DNAJC24: variants seen among roughly 807,000 people sequenced by gnomAD.
DNAJC24 encodes dnaJ homolog subfamily C member 24.
A neutral mutation model predicts 18.0 loss-of-function variants in DNAJC24; 17 were observed. The observed-to-expected ratio is 0.94, with a 90% CI of 0.65 to 1.42. The LOEUF (loss-of-function observed/expected upper bound fraction) is 1.42, where lower values mean the gene tolerates loss of function less well. Ranked by LOEUF, DNAJC24 falls within the 40% of genes most tolerant of loss-of-function variation. The pLI is 0.00. For synonymous variants in DNAJC24, 55 were observed against 57.7 expected (o/e 0.95, Z 0.21); for missense variants, 158 against 175.6 (o/e 0.90, Z 0.57).
intron 2 of DNAJC24, among the ~76,000 whole-genome samples, chr11:31,413,665 C>T (rs1471326010): frequency 6.6e-6 from 1 of 152,140 alleles, no homozygotes; most frequent in Non-Finnish European, 1.5e-5. Flanking sequence ...GATTCATTTT[C>T]ATGGTGAGCT....
intron 2 of DNAJC24, among the ~76,000 whole-genome samples, chr11:31,409,917 C>T (rs1377669715): frequency 7.0e-6 from 1 of 143,686 alleles, no homozygotes; most frequent in Non-Finnish European, 1.5e-5. Flanking sequence ...CAGAGGCTTG[C>T]TGTGTCATTT....
At chr11:31,395,595 T>G (rs1352575861) in intron 2 of DNAJC24, among the ~76,000 whole-genome samples, 5 of 152,168 alleles carry the variant, frequency 3.3e-5, no homozygotes, top group Non-Finnish European at 7.4e-5. Flanking sequence ...AAATTTAAAT[T>G]TTGTTCAAAA....
intron 2 of DNAJC24, among the ~76,000 whole-genome samples, chr11:31,397,473 T>A (rs1396300995): frequency 7.8e-6 from 1 of 127,880 alleles, no homozygotes; most frequent in Admixed American, 8.2e-5. Flanking sequence ...ACTTTACCTT[T>A]GTGATTTTTT....
chr11:31,422,580 T>G (rs889232361), intron 3 of DNAJC24, among the ~76,000 whole-genome samples: 2 of 152,178 alleles, frequency 1.3e-5, no homozygotes, highest in Admixed American at 6.6e-5. Context: ...GGATTTACTT[T>G]TCTAGATACC....
At chr11:31,414,725 CT>C (rs1322376284) in intron 2 of DNAJC24, 85 bp from the exon 3 acceptor site, 1 of 1,407,242 alleles carries the variant, frequency 7.1e-7, no homozygotes, top group African/African-American at 1.5e-5. Flanking sequence ...ACCTTCTTAA[CT>C]AAAGCTCAGA....
intron 2 of DNAJC24, among the ~76,000 whole-genome samples, chr11:31,412,068 A>T (rs1952715405): frequency 1.3e-5 from 2 of 152,212 alleles, no homozygotes; most frequent in African/African-American, 4.8e-5. Flanking sequence ...ATTTCAATTA[A>T]TAATCAGGAA....
At chr11:31,421,216 A>G (rs932555836) in intron 3 of DNAJC24, among the ~76,000 whole-genome samples, 2 of 152,198 alleles carry the variant, frequency 1.3e-5, no homozygotes, top group Non-Finnish European at 2.9e-5. Flanking sequence ...TGTTCAAGTT[A>G]CTTCCCACAT....
intron 2 of DNAJC24, among the ~76,000 whole-genome samples, chr11:31,382,542 G>T (rs1266059030): frequency 1.3e-5 from 2 of 152,022 alleles, no homozygotes. Context: ...ATTTAAAAAT[G>T]GGAAAATTAT....
chr11:31,390,395 CAAAAAAA>C (rs370680501), intron 2 of DNAJC24, among the ~76,000 whole-genome samples: 40 of 48,570 alleles, frequency 8.2e-4, no homozygotes, highest in African/African-American at 1.5e-3. Flanking sequence ...GACTCTATCT[CAAAAAAA>C]AAAAAAAAAA....
chr11:31,427,575 C>G (rs186475767), intron 4 of DNAJC24: 1 of 152,076 alleles, frequency 6.6e-6, no homozygotes, highest in Admixed American at 6.5e-5. Context: ...TATATACACA[C>G]ATATACTTTT....
chr11:31,408,142 A>G (rs980903318), intron 2 of DNAJC24: 3 of 456,066 alleles, frequency 6.6e-6, no homozygotes, highest in Non-Finnish European at 1.3e-5. Flanking sequence ...TTTTTGGTGT[A>G]CATACTTGGA....
chr11:31,410,119 G>A (rs1428896257), intron 2 of DNAJC24, among the ~76,000 whole-genome samples: 2 of 152,074 alleles, frequency 1.3e-5, no homozygotes, highest in Admixed American at 1.3e-4. Context: ...CTGACCTCAG[G>A]TGATCTGCCC....
At chr11:31,394,891 A>T (rs938809492) in intron 2 of DNAJC24, among the ~76,000 whole-genome samples, 1 of 152,130 alleles carries the variant, frequency 6.6e-6, no homozygotes, top group East Asian at 1.9e-4. Context: ...ACAAACAAAA[A>T]GCTGTTTTGT....
At chr11:31,392,477 T>A (rs1952506754) in intron 2 of DNAJC24, among the ~76,000 whole-genome samples, 1 of 152,180 alleles carries the variant, frequency 6.6e-6, no homozygotes. Context: ...CAAGTGCTTG[T>A]GTATTTAAAC....
intron 4 of DNAJC24, chr11:31,429,593 G>A (rs946486843): frequency 8.7e-6 from 3 of 343,966 alleles, no homozygotes; most frequent in South Asian, 2.2e-5. Context: ...AAATTTCCAC[G>A]ATCAGGAGCC....
At chr11:31,407,823 A>G (rs559424455) in intron 2 of DNAJC24, among the ~76,000 whole-genome samples, 15 of 151,260 alleles carry the variant, frequency 9.9e-5, no homozygotes, top group Admixed American at 4.0e-4. Context: ...TCTTAGTTGA[A>G]AAACTTGTTT....
intron 2 of DNAJC24, among the ~76,000 whole-genome samples, chr11:31,388,436 C>A (rs547246641): frequency 1.3e-5 from 2 of 152,240 alleles, no homozygotes; most frequent in East Asian, 3.9e-4. Flanking sequence ...CAGTGGAAAC[C>A]TTACAGGCCA....
intron 2 of DNAJC24, among the ~76,000 whole-genome samples, chr11:31,400,762 A>G (rs1479955011): frequency 6.6e-6 from 1 of 152,252 alleles, no homozygotes; most frequent in Non-Finnish European, 1.5e-5. Flanking sequence ...TAAAACCCAA[A>G]ACCATTAAAA....
intron 4 of DNAJC24, chr11:31,427,857 G>A: frequency 6.6e-6 from 1 of 150,984 alleles, no homozygotes; most frequent in Non-Finnish European, 1.5e-5. Context: ...CTGGAAGCCT[G>A]GAATCCCAGC....
Sources: gnomAD v4.1 joint callset for allele counts (sites outside exome capture counted in the v4.1 genomes callset) on GRCh38, gnomAD v4.1.1 for gene constraint, MANE v1.5 for transcripts, NCBI Gene and HGNC (gene_info 2026-07-23, HGNC 2026-07-21) for gene names.